Variants in PDXDC1 observed in about 807,000 individuals in gnomAD.
The protein encoded by PDXDC1 is pyridoxal dependent decarboxylase domain containing 1.
A neutral mutation model predicts 100.1 loss-of-function variants in PDXDC1; 42 were observed. That is an observed-to-expected ratio of 0.42 (90% CI 0.33 to 0.54). The LOEUF (loss-of-function observed/expected upper bound fraction) is 0.54. Among genes scored for constraint, PDXDC1 ranks in the 20% least tolerant of loss-of-function variants. The pLI is 0.10. For missense variants in PDXDC1, 636 were observed against 979.2 expected (o/e 0.65, Z 4.68); for synonymous variants, 260 against 371.7 (o/e 0.70, Z 3.46).
chr16:15,093,448 A>G lies in PDXDC1; in HGVS notation c.1400-45431A>G, dbSNP rs532280064. ...ATCGTGTTCGTTTATTTATTGGCCT[A>G]TGTACTGCCTTTCCCCCCTATGCTG... is the stretch of plus-strand genomic sequence containing the variant. On this transcript the variant is annotated intron_variant, in intron 16 of 16. Coordinates refer to the PDXDC1 transcript ENST00000535621. 1.6e-4 allele frequency among the ~76,000 whole-genome samples: 24 copies of G among 152,204 alleles called. No individual in the cohort carries two copies. The East Asian group carries it at 4.1e-3, about 26-fold the overall frequency.
At chr16:15,099,331 A>T (rs1282961203) in intron 16 of PDXDC1, among the ~76,000 whole-genome samples, 1 of 150,112 alleles carries the variant, frequency 6.7e-6, no homozygotes, top group Non-Finnish European at 1.5e-5. Flanking sequence ...GAGGCTGGAG[A>T]ATTGCTTGAA....
chr16:15,097,114 A>T (rs1438067368), intron 16 of PDXDC1, among the ~76,000 whole-genome samples: 1 of 151,998 alleles, frequency 6.6e-6, no homozygotes, highest in African/African-American at 2.4e-5. Context: ...ACACTTTTAA[A>T]AAACTTACCC....
chr16:15,094,641 G>C (rs1449240241), intron 16 of PDXDC1: 2 of 261,408 alleles, frequency 7.7e-6, no homozygotes, highest in Non-Finnish European at 1.5e-5. Context: ...GAGGAAAGGG[G>C]ATTCGAACCC....
At chr16:15,148,618 A>C in the PDXDC1 span, among the ~76,000 whole-genome samples, 6 of 151,222 alleles carry the variant, frequency 4.0e-5, no homozygotes, top group African/African-American at 1.2e-4. Context: ...TCCTGGGCTC[A>C]AGCGATCCAC....
chr16:14,989,630 A>G, intron 1 of PDXDC1: 1 of 1,600,930 alleles, frequency 6.2e-7, no homozygotes, highest in Non-Finnish European at 8.5e-7. Flanking sequence ...ACCCCGCGGC[A>G]AGGCCAGAGA....
intron 1 of PDXDC1, among the ~76,000 whole-genome samples, chr16:14,984,310 C>T (rs1403962841): frequency 2.0e-5 from 3 of 147,430 alleles, no homozygotes; most frequent in Non-Finnish European, 3.0e-5. Flanking sequence ...TCCCTGCACC[C>T]CCGCCTTTTT....
chr16:14,979,889 GA>G (rs1967565860), intron 1 of PDXDC1, among the ~76,000 whole-genome samples: 1 of 152,286 alleles, frequency 6.6e-6, no homozygotes, highest in African/African-American at 2.4e-5. Context: ...AGGCAAGGTT[GA>G]AATGACCAGT....
At chr16:15,152,073 A>G in the PDXDC1 span, among the ~76,000 whole-genome samples, 1 of 149,152 alleles carries the variant, frequency 6.7e-6, no homozygotes, top group Non-Finnish European at 1.5e-5. Flanking sequence ...AGCCACGCAG[A>G]GCAGCACGTT....
intron 13 of PDXDC1, among the ~76,000 whole-genome samples, chr16:15,024,705 C>A (rs1220499128): frequency 6.6e-6 from 1 of 152,296 alleles, no homozygotes; most frequent in East Asian, 1.9e-4. Context: ...GCCAAAGCGC[C>A]CAGCCTCCCC....
chr16:14,988,880 G>C, intron 1 of PDXDC1: 1 of 1,613,918 alleles, frequency 6.2e-7, no homozygotes, highest in African/African-American at 1.3e-5. Flanking sequence ...GCCTCCACAG[G>C]TCAGAGAGCT....
At chr16:15,014,688 C>G (rs2041646584) in intron 8 of PDXDC1, among the ~76,000 whole-genome samples, 1 of 152,250 alleles carries the variant, frequency 6.6e-6, no homozygotes. Context: ...TTTGTTGAGG[C>G]CGTTGGTGAG....
At chr16:15,130,484 C>T (rs1373857732) in intron 16 of PDXDC1, 8 of 1,386,224 alleles carry the variant, frequency 5.8e-6, no homozygotes, top group South Asian at 1.2e-5. Context: ...TGGACGTGAG[C>T]CCAGGCTCCG....
chr16:15,058,969 A>C (rs1318369121), intron 16 of PDXDC1, among the ~76,000 whole-genome samples: 2 of 152,178 alleles, frequency 1.3e-5, no homozygotes, highest in Non-Finnish European at 2.9e-5. Context: ...CTACTCAACC[A>C]TCCAGAGTCA....
the PDXDC1 span, among the ~76,000 whole-genome samples, chr16:15,149,311 G>C: frequency 3.3e-5 from 5 of 152,208 alleles, no homozygotes; most frequent in East Asian, 1.9e-4. Flanking sequence ...AATCATCTGC[G>C]TGTTTGTTGA....
chr16:15,128,618 G>C (rs1298243406), intron 16 of PDXDC1, among the ~76,000 whole-genome samples: 1 of 151,932 alleles, frequency 6.6e-6, no homozygotes, highest in African/African-American at 2.4e-5. Context: ...TGTAACTTGT[G>C]ACATGCAAAC....
intron 1 of PDXDC1, among the ~76,000 whole-genome samples, chr16:14,977,366 G>T (rs1302365786): frequency 7.7e-6 from 1 of 129,798 alleles, no homozygotes; most frequent in Non-Finnish European, 1.6e-5. Flanking sequence ...TGCAACCTCC[G>T]CCTCCCGGAT....
chr16:15,021,050 G>A (rs1184532402), intron 12 of PDXDC1, among the ~76,000 whole-genome samples: 13 of 152,068 alleles, frequency 8.5e-5, no homozygotes, highest in Admixed American at 5.2e-4. Context: ...TAGTCCCTTC[G>A]TTCATCATAT....
At chr16:14,976,207 G>A (rs1567595214) in intron 1 of PDXDC1, among the ~76,000 whole-genome samples, 1 of 152,298 alleles carries the variant, frequency 6.6e-6, no homozygotes, top group Non-Finnish European at 1.5e-5. Flanking sequence ...CAGCTTGGGA[G>A]TCTGCTTGTC....
At chr16:15,026,968 C>T (rs1304335880) in intron 14 of PDXDC1, among the ~76,000 whole-genome samples, 1 of 152,256 alleles carries the variant, frequency 6.6e-6, no homozygotes, top group Non-Finnish European at 1.5e-5. Context: ...GTTGCTTGAA[C>T]ATAAAGATTT....
Sources: allele counts gnomAD v4.1 joint callset (sites outside exome capture counted in the v4.1 genomes callset), GRCh38; gene constraint gnomAD v4.1.1; transcripts MANE v1.5; gene names NCBI Gene and HGNC (gene_info 2026-07-23, HGNC 2026-07-21).